Variants in ANGPT1 observed in about 807,000 individuals in gnomAD.
ANGPT1 encodes angiopoietin-1.
ANGPT1 carries 17 observed loss-of-function variants against 62.2 expected under a neutral mutation model. The observed-to-expected ratio is 0.27, with a 90% CI of 0.19 to 0.41. ANGPT1 has a LOEUF of 0.41. Among genes scored for constraint, ANGPT1 ranks in the 10% least tolerant of loss-of-function variants. ANGPT1 has a pLI of 1.00. For missense variants in ANGPT1, 478 were observed against 594.9 expected (o/e 0.80, Z 2.04); for synonymous variants, 199 against 198.9 (o/e 1.00, Z 0.00).
chr8:107,479,490 A>G (rs1388398911), intron 1 of ANGPT1, among the ~76,000 whole-genome samples: 1 of 152,204 alleles, frequency 6.6e-6, no homozygotes, highest in Non-Finnish European at 1.5e-5. Flanking sequence ...TCACTTAAGA[A>G]GGGGAAAATC....
chr8:107,412,031 T>A (rs1810596184), intron 1 of ANGPT1, among the ~76,000 whole-genome samples: 1 of 152,168 alleles, frequency 6.6e-6, no homozygotes, highest in African/African-American at 2.4e-5. Context: ...GTATTTTGCA[T>A]TGTAGGATGC....
intron 7 of ANGPT1, among the ~76,000 whole-genome samples, chr8:107,265,779 T>C (rs955555625): frequency 6.6e-6 from 1 of 152,174 alleles, no homozygotes. Flanking sequence ...GAGCAAAACA[T>C]TACATTATTA....
At position 107,249,533 on chromosome 8, in the gene ANGPT1, T is replaced by C. The variant is rs1586157517; in HGVS notation, c.*2322A>G. On this transcript the variant is annotated 3_prime_UTR_variant, in exon 9 of 9. Coordinates refer to ENST00000517746, the MANE Select transcript of ANGPT1 (RefSeq NM_001146.5). ...TTTAAATCAAATAATGTTGTGATGA[T>C]ATGAAGAACTTTGCATAGAAACCAC... 1 of 152,210 alleles carries C rather than the reference T, an allele frequency of 6.6e-6. No individual in the cohort carries two copies. The highest frequency in any genetic ancestry group is 2.1e-4 in the South Asian group (1 of 4,834). 9.4% of individuals were successfully genotyped at this position (152,210 alleles called of 1,614,324 possible).
intron 1 of ANGPT1, among the ~76,000 whole-genome samples, chr8:107,429,397 A>AT (rs1434126431): frequency 2.6e-5 from 4 of 152,180 alleles, no homozygotes; most frequent in Non-Finnish European, 4.4e-5. Context: ...TGAAAACTTC[A>AT]TCCTTAATGA....
chr8:107,405,784 C>T (rs1817136785), intron 1 of ANGPT1, among the ~76,000 whole-genome samples: 1 of 151,812 alleles, frequency 6.6e-6, no homozygotes, highest in African/African-American at 2.4e-5. Flanking sequence ...TTAGCCAGGT[C>T]TTTATTTTGT....
At chr8:107,342,128 T>A (rs1815709018) in intron 2 of ANGPT1, among the ~76,000 whole-genome samples, 1 of 152,150 alleles carries the variant, frequency 6.6e-6, no homozygotes, top group Non-Finnish European at 1.5e-5. Flanking sequence ...GGGTCAGACA[T>A]CTTTGCAGTA....
chr8:107,352,415 A>G (rs1283649), intron 1 of ANGPT1, among the ~76,000 whole-genome samples: 125,390 of 152,058 alleles, frequency 0.82, 51,940 homozygotes, highest in East Asian at 0.99. Context: ...ATCATAAATC[A>G]CATGCCCCTG....
At chr8:107,258,221 G>A (rs1191135071) in intron 8 of ANGPT1, among the ~76,000 whole-genome samples, 2 of 152,034 alleles carry the variant, frequency 1.3e-5, no homozygotes, top group African/African-American at 4.8e-5. Context: ...AGTAGAAAGA[G>A]TAGATAGAAC....
intron 1 of ANGPT1, among the ~76,000 whole-genome samples, chr8:107,433,288 G>T (rs1038394762): frequency 2.6e-5 from 4 of 152,162 alleles, no homozygotes; most frequent in Middle Eastern, 3.4e-3. Context: ...TTTCATTACT[G>T]CTACCAAGTA....
At chr8:107,437,749 G>C (rs1358869675) in intron 1 of ANGPT1, among the ~76,000 whole-genome samples, 1 of 152,004 alleles carries the variant, frequency 6.6e-6, no homozygotes, top group Non-Finnish European at 1.5e-5. Context: ...AGGAATCATA[G>C]ATGACAGCAG....
chr8:107,386,731 T>C (rs1816738517), intron 1 of ANGPT1, among the ~76,000 whole-genome samples: 1 of 152,118 alleles, frequency 6.6e-6, no homozygotes, highest in South Asian at 2.1e-4. Context: ...TATAGAGCAT[T>C]CATTATAGTG....
intron 1 of ANGPT1, among the ~76,000 whole-genome samples, chr8:107,352,642 T>C (rs1586248413): frequency 6.6e-6 from 1 of 152,324 alleles, no homozygotes; most frequent in East Asian, 1.9e-4. Context: ...AACCAGAGCA[T>C]ATCTTAAAGC....
At chr8:107,263,018 A>G (rs932008999) in intron 8 of ANGPT1, among the ~76,000 whole-genome samples, 1 of 152,166 alleles carries the variant, frequency 6.6e-6, no homozygotes, top group African/African-American at 2.4e-5. Flanking sequence ...AGTTTATATC[A>G]TTCATTTAAA....
intron 3 of ANGPT1, among the ~76,000 whole-genome samples, chr8:107,334,084 T>C (rs1815501775): frequency 6.7e-6 from 1 of 149,848 alleles, no homozygotes; most frequent in Non-Finnish European, 1.5e-5. Context: ...AGAGACAGAG[T>C]ACCTGAGTAC....
intron 1 of ANGPT1, among the ~76,000 whole-genome samples, chr8:107,481,578 TA>T (rs915395545): frequency 5.1e-5 from 7 of 137,248 alleles, no homozygotes; most frequent in African/African-American, 5.4e-5. Flanking sequence ...AGAAAATCTG[TA>T]AAAGGTACTA....
At chr8:107,466,785 G>A (rs780303407) in intron 1 of ANGPT1, among the ~76,000 whole-genome samples, 43 of 151,978 alleles carry the variant, frequency 2.8e-4, no homozygotes, top group Non-Finnish European at 4.6e-4. Flanking sequence ...GGTGGCAGTC[G>A]CCTATAATCC....
intron 3 of ANGPT1, among the ~76,000 whole-genome samples, chr8:107,329,351 C>G (rs1430431719): frequency 6.6e-6 from 1 of 152,044 alleles, no homozygotes; most frequent in Non-Finnish European, 1.5e-5. Flanking sequence ...ATTTAATATA[C>G]ATGTATATAC....
At chr8:107,445,975 T>A (rs189771816) in intron 1 of ANGPT1, among the ~76,000 whole-genome samples, 1 of 152,208 alleles carries the variant, frequency 6.6e-6, no homozygotes, top group Non-Finnish European at 1.5e-5. Context: ...TGGAGTGCAG[T>A]GGCGCTATCT....
rs559385211 is a variant in ANGPT1, at chr8:107,401,004, A to G, written c.298-53907T>C. 6.6e-5 allele frequency among the ~76,000 whole-genome samples: 10 copies of G among 152,242 alleles called. No homozygotes were observed. In the East Asian group the frequency reaches 1.9e-3, roughly 29 times the overall value. On this transcript the variant is annotated intron_variant, in intron 1 of 8. Transcript: ENST00000517746. ...CCCCACAAATGATTGCTTTTGACAC[A>G]AAATTCCACTTTCTAACCTTTAATC...
Sources: allele counts gnomAD v4.1 joint callset (sites outside exome capture counted in the v4.1 genomes callset), GRCh38; gene constraint gnomAD v4.1.1; transcripts MANE v1.5; gene names NCBI Gene and HGNC (gene_info 2026-07-23, HGNC 2026-07-21).